CLCN4: variants seen among roughly 807,000 people sequenced by gnomAD.
The protein encoded by CLCN4 is H(+)/Cl(-) exchange transporter 4.
In CLCN4, 1 loss-of-function variant was observed where a neutral mutation model predicts 41.7. The observed-to-expected ratio is 0.02, with a 90% CI of 0.01 to 0.11. The LOEUF (loss-of-function observed/expected upper bound fraction) is 0.11, where lower values mean the gene tolerates loss of function less well. Among genes scored for constraint, CLCN4 ranks in the 10% least tolerant of loss-of-function variants. The pLI, the probability that CLCN4 is intolerant of heterozygous loss-of-function variation, is 1.00. For synonymous variants in CLCN4, 277 were observed against 285.8 expected, an observed-to-expected ratio of 0.97 and a Z score of 0.31; for missense variants, 287 against 661.0, an observed-to-expected ratio of 0.43 and a Z score of 6.20.
At chrX:10,172,549 T>G (rs905300235) in intron 2 of CLCN4, among the ~76,000 whole-genome samples, 6 of 111,468 alleles carry the variant, frequency 5.4e-5, no homozygotes, top group African/African-American at 2.0e-4. Flanking sequence ...TAACTGTGAA[T>G]GAAGAGACCG....
In CLCN4 at chrX:10,236,409, C is replaced by T. The variant is rs1437487047; in HGVS notation, c.*2825C>T. 1 of 112,083 alleles carries T rather than the reference C, an allele frequency of 8.9e-6. No homozygotes were observed. Among genetic ancestry groups the T allele is most frequent in the Non-Finnish European group, 1.9e-5 (1 of 53,202 alleles). 9.2% of individuals were successfully genotyped at this position (112,083 alleles called of 1,213,427 possible). ...TTTATTGTGGGGTTCAGGCTCTCCTCAATAGAAGGCCAGAGTTGGACAGGT... is the reference window on the plus strand; with the variant it reads ...TTTATTGTGGGGTTCAGGCTCTCCTTAATAGAAGGCCAGAGTTGGACAGGT... On this transcript the variant is annotated 3_prime_UTR_variant, in exon 13 of 13. Transcript: ENST00000380833.
At position 10,220,706 on chromosome X, in the gene CLCN4, T is replaced by C. The variant is rs1924837336; in HGVS notation, c.2021T>C (p.Met674Thr). 3 of 1,211,450 alleles carry C rather than the reference T, an allele frequency of 2.5e-6. No individual in the cohort carries two copies. Among genetic ancestry groups the C allele is most frequent in the Non-Finnish European group, 3.4e-6 (3 of 895,376 alleles). Reference protein sequence around the residue: ...RQEGIVSNSIMYFTEEPPELP... With the variant: ...RQEGIVSNSITYFTEEPPELP... Reference sequence around the variant, plus strand: ...GAGGGCATTGTGAGCAATTCCATCATGTACTTCACGGAGGAACCCCCCGAG... The same window carrying C: ...GAGGGCATTGTGAGCAATTCCATCACGTACTTCACGGAGGAACCCCCCGAG... The change falls in exon 12 of 13, where the codon ATG (methionine) becomes ACG (threonine). Residue 674 changes from methionine to threonine, a missense_variant. Met to Thr is a moderately conservative substitution (Grantham distance 81). This residue lies in a region of CLCN4 where 71 missense variants were observed against 104.5 expected (regional missense o/e 0.68). Transcript: ENST00000380833.
Position 10,185,050 on chromosome X carries a change from G to C in CLCN4, c.18G>C (p.Ala6=). The C allele has an allele frequency of 5.0e-6, 6 of 1,208,462 alleles. No individual in the cohort carries two copies. Among genetic ancestry groups the C allele is most frequent in the Non-Finnish European group, 6.7e-6 (6 of 893,490 alleles). The part of the protein sequence containing the change: MVNAG[A]MSGSGNLMDF... Reference sequence around the variant, plus strand: ...TAATTAGCATGGTCAATGCGGGAGCGATGAGTGGCTCTGGAAACCTGATGG... The same window carrying C: ...TAATTAGCATGGTCAATGCGGGAGCCATGAGTGGCTCTGGAAACCTGATGG... Residue 6 remains alanine (A), a synonymous_variant, in exon 3 of 13, where the codon GCG becomes GCC. Transcript: ENST00000380833.
intron 4 of CLCN4, among the ~76,000 whole-genome samples, chrX:10,191,720 T>C (rs1169609578): frequency 1.2e-5 from 1 of 86,138 alleles, no homozygotes; most frequent in Non-Finnish European, 2.3e-5. Flanking sequence ...TTTTTTTTTT[T>C]GTAGAGACAG....
At chrX:10,203,356 G>C (rs1029187674) in intron 6 of CLCN4, among the ~76,000 whole-genome samples, 1 of 111,396 alleles carries the variant, frequency 9.0e-6, no homozygotes, top group Non-Finnish European at 1.9e-5. Flanking sequence ...AGTTAAGGAC[G>C]GGTCTAACCA....
At chrX:10,212,179 G>C (rs1275052904) in intron 9 of CLCN4, among the ~76,000 whole-genome samples, 1 of 112,445 alleles carries the variant, frequency 8.9e-6, no homozygotes, top group African/African-American at 3.2e-5. Context: ...TATTTGCAGT[G>C]GGGCTTATCA....
At chrX:10,215,579 A>G (rs1172673283) in intron 11 of CLCN4, among the ~76,000 whole-genome samples, 1 of 111,936 alleles carries the variant, frequency 8.9e-6, no homozygotes, top group Non-Finnish European at 1.9e-5. Flanking sequence ...TTTGTTTAAA[A>G]ATACTGTAAT....
intron 6 of CLCN4, among the ~76,000 whole-genome samples, chrX:10,202,155 A>G (rs1924252748): frequency 2.7e-5 from 3 of 111,104 alleles, no homozygotes; most frequent in East Asian, 2.8e-4. Flanking sequence ...TGGGCAATGT[A>G]GTGAGACCTC....
rs61318398 is a variant in CLCN4, at chrX:10,206,906, G to GTTTTGTTTTTGT, written c.843+147_843+158dup. 66,329 of 435,989 alleles carry GTTTTGTTTTTGT rather than the reference G, an allele frequency of 0.15. 4,207 individuals are homozygous for GTTTTGTTTTTGT. The highest frequency in any genetic ancestry group is 0.26 in the South Asian group (5,181 of 20,261). The allele number at this position is 435,989 out of a possible 1,213,427, so 35.9% of individuals were successfully genotyped here. On this transcript the variant is annotated intron_variant, in intron 8 of 12. Transcript: ENST00000380833. Reference sequence around the variant, plus strand: ...CCACAATTTCCACTGTTTTTTTTTTGTTTTGTTTTTGTTTTTGTTTTTGTT... The same window carrying GTTTTGTTTTTGT: ...CCACAATTTCCACTGTTTTTTTTTTGTTTTGTTTTTGTTTTTGTTTTTGTTTTTGTTTTTGTT...
intron 4 of CLCN4, among the ~76,000 whole-genome samples, chrX:10,188,837 G>A (rs914134187): frequency 8.9e-6 from 1 of 111,998 alleles, no homozygotes; most frequent in African/African-American, 3.3e-5. Flanking sequence ...TTATTCCCTA[G>A]CTCATCGGAG....
chrX:10,158,595 G>A, intron 2 of CLCN4, 44 bp downstream of exon 2: 1 of 280,147 alleles, frequency 3.6e-6, no homozygotes, highest in Non-Finnish European at 6.3e-6. Context: ...GGCGCCCCCG[G>A]CAGCGCGGAC....
intron 6 of CLCN4, among the ~76,000 whole-genome samples, chrX:10,204,683 T>C (rs1237711256): frequency 1.1e-5 from 1 of 92,753 alleles, no homozygotes; most frequent in African/African-American, 3.8e-5. Flanking sequence ...AAACTACACT[T>C]GGCTCGTGGG....
chrX:10,194,409 A>G (rs1924044283), intron 4 of CLCN4, among the ~76,000 whole-genome samples: 1 of 112,045 alleles, frequency 8.9e-6, no homozygotes, highest in African/African-American at 3.3e-5. Context: ...GAGAGTTTTA[A>G]TAAACAGGAT....
At chrX:10,169,515 AC>A (rs201640802) in intron 2 of CLCN4, among the ~76,000 whole-genome samples, 1,440 of 111,788 alleles carry the variant, frequency 0.013, 26 homozygotes, top group African/African-American at 0.043. Flanking sequence ...AAACAAACAA[AC>A]AAACAAAACC....
intron 9 of CLCN4, among the ~76,000 whole-genome samples, chrX:10,211,842 C>T (rs945725907): frequency 1.8e-5 from 2 of 112,122 alleles, no homozygotes; most frequent in African/African-American, 6.5e-5. Context: ...TTCTTTGCTG[C>T]CCCTATCCTG....
At chrX:10,214,111 C>T (rs1311754715) in intron 11 of CLCN4, 32 bp downstream of exon 11, 1 of 1,130,770 alleles carries the variant, frequency 8.8e-7, no homozygotes. Flanking sequence ...CACATTTTAC[C>T]AAGAGCCGAA....
chrX:10,221,062 C>T (rs1290820003), intron 12 of CLCN4, among the ~76,000 whole-genome samples, 185 bp downstream of exon 12: 6 of 111,003 alleles, frequency 5.4e-5, no homozygotes, highest in South Asian at 3.8e-4. Flanking sequence ...GCTGGGCAGC[C>T]GTGCAGCCAG....
rs1305538912 is a variant in CLCN4 at position 10,178,281 on chromosome X, T to C, written c.-11-6741T>C. On this transcript the variant is annotated intron_variant, in intron 2 of 12. Coordinates refer to ENST00000380833, the MANE Select transcript of CLCN4 (RefSeq NM_001830.4). ...GTACACTTTAAAAGAGTACATCTTA[T>C]GGTATGTGAATTACCTCTTTAAAAA... is the stretch of plus-strand genomic sequence containing the variant. Among the ~76,000 whole-genome samples the C allele has an allele frequency of 2.7e-5, 3 of 111,998 alleles. No individual in the cohort carries two copies. The East Asian group carries it at 8.4e-4, about 31-fold the overall frequency.
chrX:10,229,805 T>A (rs1239201805), intron 12 of CLCN4, among the ~76,000 whole-genome samples: 2 of 112,111 alleles, frequency 1.8e-5, no homozygotes, highest in African/African-American at 6.5e-5. Context: ...TGTTGGACAT[T>A]TGGGTTGGTT....
Sources: allele counts gnomAD v4.1 joint callset (sites outside exome capture counted in the v4.1 genomes callset), GRCh38; gene constraint gnomAD v4.1.1; regional missense constraint gnomAD v4.1.1; transcripts MANE v1.5; gene names NCBI Gene and HGNC (gene_info 2026-07-23, HGNC 2026-07-21).